The following RANBP17 variants were observed in gnomAD, a reference collection of about 807,000 sequenced individuals.
RANBP17 encodes RAN binding protein 17.
A neutral mutation model predicts 141.2 loss-of-function variants in RANBP17; 158 were observed. The ratio of observed to expected loss-of-function variants is 1.12; its 90% CI spans 0.98 to 1.28. The LOEUF is 1.28. RANBP17 is among the 50% of genes most tolerant of loss of function. RANBP17 has a pLI of 0.00. For synonymous variants in RANBP17, 430 were observed against 450.0 expected, an observed-to-expected ratio of 0.96 and a Z score of 0.56; for missense variants, 1,438 against 1,290.7, an observed-to-expected ratio of 1.11 and a Z score of -1.75.
At chr5:170,950,761 TA>T (rs1775148823) in intron 12 of RANBP17, among the ~76,000 whole-genome samples, 1 of 152,092 alleles carries the variant, frequency 6.6e-6, no homozygotes, top group Non-Finnish European at 1.5e-5. Flanking sequence ...TTCAGTATGT[TA>T]AAAGAATACC....
intron 14 of RANBP17, among the ~76,000 whole-genome samples, chr5:171,080,311 T>C (rs1785189816): frequency 6.6e-6 from 1 of 151,614 alleles, no homozygotes; most frequent in Non-Finnish European, 1.5e-5. Context: ...GATTTTAAAA[T>C]AGGAAATGAC....
chr5:171,162,833 C>A (rs996365929), intron 14 of RANBP17, among the ~76,000 whole-genome samples: 1 of 152,110 alleles, frequency 6.6e-6, no homozygotes, highest in Admixed American at 6.5e-5. Flanking sequence ...TGAGTTCATG[C>A]TTTGTGCCAC....
In RANBP17 at chr5:170,862,163, G is replaced by C. The variant is rs908326522; in HGVS notation, c.18+112G>C. ...GGCGGAGGCCGCAGGGCCGTGGGCC[G>C]GTGTCCCCGGAGTCCCAGCCCCTGC... is the stretch of plus-strand genomic sequence containing the variant. On this transcript the variant is annotated intron_variant, in intron 1 of 27. Transcript: ENST00000523189. The C allele has an allele frequency of 3.5e-6, 4 of 1,146,798 alleles. No homozygotes were observed. In the African/African-American group the frequency reaches 6.6e-5, roughly 19 times the overall value. The allele number at this position is 1,146,798 out of a possible 1,614,324, so 71.0% of individuals were successfully genotyped here.
intron 14 of RANBP17, among the ~76,000 whole-genome samples, chr5:171,094,925 A>G (rs1786569385): frequency 6.6e-6 from 1 of 152,146 alleles, no homozygotes; most frequent in African/African-American, 2.4e-5. Flanking sequence ...CAATAGTGTT[A>G]GGAGGTGGGA....
intron 14 of RANBP17, among the ~76,000 whole-genome samples, chr5:171,091,711 G>A (rs1260500758): frequency 3.3e-5 from 5 of 152,144 alleles, no homozygotes; most frequent in African/African-American, 9.7e-5. Flanking sequence ...TCATGATAGC[G>A]AATAAGTCTC....
chr5:171,282,241 C>G (rs1046167991), intron 25 of RANBP17, among the ~76,000 whole-genome samples: 2 of 152,156 alleles, frequency 1.3e-5, no homozygotes, highest in Non-Finnish European at 2.9e-5. Flanking sequence ...CAATAAAAAG[C>G]TTCCTGACAA....
chr5:171,096,045 G>A (rs576284194), intron 14 of RANBP17, among the ~76,000 whole-genome samples: 1 of 152,224 alleles, frequency 6.6e-6, no homozygotes, highest in East Asian at 1.9e-4. Flanking sequence ...GGAGGGGAAG[G>A]GGCTGGTCTT....
At chr5:170,991,684 C>T (rs1272637027) in intron 14 of RANBP17, among the ~76,000 whole-genome samples, 4 of 151,916 alleles carry the variant, frequency 2.6e-5, no homozygotes, top group Non-Finnish European at 5.9e-5. Flanking sequence ...GTTTCCTAAC[C>T]TGTCAACAGA....
chr5:171,155,748 A>G (rs1350047222), intron 14 of RANBP17, among the ~76,000 whole-genome samples: 1 of 152,186 alleles, frequency 6.6e-6, no homozygotes, highest in Admixed American at 6.5e-5. Flanking sequence ...GAAATGAAAC[A>G]AAGTTGTTTG....
intron 14 of RANBP17, among the ~76,000 whole-genome samples, chr5:170,977,832 G>A (rs1777489656): frequency 6.6e-6 from 1 of 152,046 alleles, no homozygotes; most frequent in African/African-American, 2.4e-5. Context: ...GGGTGCCTAG[G>A]GCTGGGGTTA....
At chr5:171,027,594 A>C (rs1049916744) in intron 14 of RANBP17, among the ~76,000 whole-genome samples, 12 of 151,906 alleles carry the variant, frequency 7.9e-5, no homozygotes, top group Admixed American at 3.3e-4. Flanking sequence ...GGATCATATT[A>C]TAATTAATAA....
intron 22 of RANBP17, among the ~76,000 whole-genome samples, chr5:171,240,482 A>G (rs1764795605): frequency 6.6e-6 from 1 of 152,226 alleles, no homozygotes; most frequent in Non-Finnish European, 1.5e-5. Flanking sequence ...ACTCAAGATC[A>G]AATTCATATA....
intron 14 of RANBP17, among the ~76,000 whole-genome samples, chr5:170,977,225 C>G (rs566700713): frequency 4.4e-4 from 66 of 151,642 alleles, no homozygotes; most frequent in Middle Eastern, 3.4e-3. Context: ...TATGAATGGC[C>G]AACAAGGACA....
intron 14 of RANBP17, among the ~76,000 whole-genome samples, chr5:170,986,997 A>G (rs527500211): frequency 1.3e-5 from 2 of 152,014 alleles, no homozygotes; most frequent in East Asian, 3.9e-4. Flanking sequence ...TATTCTGATT[A>G]CTGGCAACTT....
intron 3 of RANBP17, among the ~76,000 whole-genome samples, chr5:170,890,557 G>C (rs1769512978): frequency 6.6e-6 from 1 of 152,026 alleles, no homozygotes; most frequent in African/African-American, 2.4e-5. Flanking sequence ...TTTTGGAGTT[G>C]TTTCCATCAA....
chr5:171,018,134 A>G (rs764739520), intron 14 of RANBP17, among the ~76,000 whole-genome samples: 4 of 152,100 alleles, frequency 2.6e-5, no homozygotes. Context: ...TGGTACCAGT[A>G]CCATGTTGTT....
At chr5:171,212,429 A>C (rs1385199928) in intron 20 of RANBP17, among the ~76,000 whole-genome samples, 1 of 151,696 alleles carries the variant, frequency 6.6e-6, no homozygotes, top group Non-Finnish European at 1.5e-5. Context: ...GTTAGAGAGA[A>C]GAAGTGGTTT....
chr5:171,001,871 C>G (rs1006697484), intron 14 of RANBP17, among the ~76,000 whole-genome samples: 1 of 152,130 alleles, frequency 6.6e-6, no homozygotes, highest in Non-Finnish European at 1.5e-5. Flanking sequence ...GTGACCTTCT[C>G]AGACCCTATG....
chr5:170,914,691 T>C (rs1245944505), intron 8 of RANBP17, among the ~76,000 whole-genome samples: 1 of 152,198 alleles, frequency 6.6e-6, no homozygotes, highest in African/African-American at 2.4e-5. Context: ...ATCTACTCAC[T>C]TGAATTGTGT....
Sources: allele counts gnomAD v4.1 joint callset (sites outside exome capture counted in the v4.1 genomes callset), GRCh38; gene constraint gnomAD v4.1.1; transcripts MANE v1.5; gene names NCBI Gene and HGNC (gene_info 2026-07-23, HGNC 2026-07-21).